Variants in TNS3 observed in about 807,000 individuals in gnomAD.
TNS3 encodes tensin 3, also known as tensin-3.
In TNS3, 45 loss-of-function variants were observed where a neutral mutation model predicts 140.9. The ratio of observed to expected loss-of-function variants is 0.32; its 90% confidence interval spans 0.25 to 0.41. The LOEUF (loss-of-function observed/expected upper bound fraction) is 0.41. Ranked by LOEUF, TNS3 falls within the 10% of genes least tolerant of loss-of-function variation. The pLI, the probability that TNS3 is intolerant of heterozygous loss-of-function variation, is 1.00. For missense variants in TNS3, 1,716 were observed against 1,906.7 expected (o/e 0.90, Z 1.86); for synonymous variants, 815 against 788.4 (o/e 1.03, Z -0.56).
At chr7:47,420,086 T>C (rs1296112982) in intron 10 of TNS3, among the ~76,000 whole-genome samples, 1 of 152,256 alleles carries the variant, frequency 6.6e-6, no homozygotes, top group Non-Finnish European at 1.5e-5. Flanking sequence ...AGAGACTATC[T>C]GAGGAGCCTC....
chr7:47,463,300 C>T (rs746423292), intron 4 of TNS3, among the ~76,000 whole-genome samples: 10 of 152,086 alleles, frequency 6.6e-5, no homozygotes, highest in Non-Finnish European at 1.3e-4. Flanking sequence ...TACAAATTGT[C>T]GGGAGTGGTT....
chr7:47,547,591 C>T (rs1415681757), intron 1 of TNS3, among the ~76,000 whole-genome samples: 1 of 152,010 alleles, frequency 6.6e-6, no homozygotes, highest in Non-Finnish European at 1.5e-5. Context: ...GCCAGGTCCA[C>T]ATTGTGCATC....
chr7:47,289,397 C>T (rs1785581677), intron 27 of TNS3, among the ~76,000 whole-genome samples: 1 of 152,192 alleles, frequency 6.6e-6, no homozygotes, highest in South Asian at 2.1e-4. Flanking sequence ...TCCCCACTGT[C>T]CTCTCTAGCT....
chr7:47,388,862 C>T (rs12112420), intron 16 of TNS3, among the ~76,000 whole-genome samples: 7,192 of 149,784 alleles, frequency 0.048, 561 homozygotes, highest in East Asian at 0.15. Context: ...GCGAGATTTC[C>T]TCTCAAAGAA....
chr7:47,503,135 C>T (rs1010261091), intron 3 of TNS3, among the ~76,000 whole-genome samples: 1 of 152,078 alleles, frequency 6.6e-6, no homozygotes, highest in Non-Finnish European at 1.5e-5. Flanking sequence ...CTTAAGTTTA[C>T]AAAAAAATTA....
intron 20 of TNS3, among the ~76,000 whole-genome samples, chr7:47,332,998 T>A (rs1788427511): frequency 1.3e-5 from 2 of 152,198 alleles, no homozygotes; most frequent in Non-Finnish European, 2.9e-5. Context: ...AAACCCAAAG[T>A]GAGCAAACGA....
At chr7:47,320,962 G>A (rs1306713512) in intron 20 of TNS3, among the ~76,000 whole-genome samples, 3 of 152,202 alleles carry the variant, frequency 2.0e-5, no homozygotes, top group Admixed American at 6.5e-5. Flanking sequence ...AAGATCCATC[G>A]CGACGAGGAA....
intron 16 of TNS3, among the ~76,000 whole-genome samples, chr7:47,371,744 C>G (rs1462547238): frequency 6.6e-6 from 1 of 152,250 alleles, no homozygotes; most frequent in Admixed American, 6.5e-5. Context: ...ATGGAAAATG[C>G]AATGCATTTG....
intron 1 of TNS3, among the ~76,000 whole-genome samples, chr7:47,578,604 T>C (rs1800731329): frequency 6.6e-6 from 1 of 151,856 alleles, no homozygotes; most frequent in African/African-American, 2.4e-5. Context: ...GCCACGGTGC[T>C]CCTGGAGTAC....
At chr7:47,345,297 C>T (rs762483884) in intron 18 of TNS3, among the ~76,000 whole-genome samples, 1 of 152,170 alleles carries the variant, frequency 6.6e-6, no homozygotes, top group Non-Finnish European at 1.5e-5. Context: ...ATACAATATA[C>T]AGCTAATAAG....
In TNS3 at chr7:47,308,162, T is replaced by A. The variant is rs550180474; in HGVS notation, c.2651-3159A>T. Reference sequence around the variant, plus strand: ...TATATATCAACAAAGTTTAGTTTTTTAAATATGGATATTCAATGGTACCAC... The same window carrying A: ...TATATATCAACAAAGTTTAGTTTTTAAAATATGGATATTCAATGGTACCAC... On this transcript the variant is annotated intron_variant, in intron 20 of 30. Coordinates refer to ENST00000311160, the MANE Select transcript of TNS3 (RefSeq NM_022748.12). Among the ~76,000 whole-genome samples, 92 of 152,372 alleles carry A rather than the reference T, an allele frequency of 6.0e-4. 1 individual carries two copies. Among genetic ancestry groups the A allele is most frequent in the African/African-American group, 2.2e-3 (90 of 41,590 alleles).
At chr7:47,542,791 G>A (rs1335665778) in intron 1 of TNS3, among the ~76,000 whole-genome samples, 2 of 151,998 alleles carry the variant, frequency 1.3e-5, no homozygotes, top group Admixed American at 6.6e-5. Flanking sequence ...TTAGCCAGGT[G>A]TGGTGGTGGG....
chr7:47,294,807 A>G (rs933756488), intron 24 of TNS3, among the ~76,000 whole-genome samples: 6 of 152,244 alleles, frequency 3.9e-5, no homozygotes, highest in Middle Eastern at 3.2e-3. Flanking sequence ...TTAAAGTGGG[A>G]TAAGAACATA....
chr7:47,454,620 C>T (rs1048073833), intron 4 of TNS3, among the ~76,000 whole-genome samples: 1 of 151,958 alleles, frequency 6.6e-6, no homozygotes, highest in Non-Finnish European at 1.5e-5. Flanking sequence ...GGGGGGGCAA[C>T]AGCTGGGCAG....
At chr7:47,306,387 T>C (rs1332404221) in intron 20 of TNS3, among the ~76,000 whole-genome samples, 2 of 152,192 alleles carry the variant, frequency 1.3e-5, no homozygotes, top group Non-Finnish European at 2.9e-5. Flanking sequence ...AATTCACAAA[T>C]GGAATGCACT....
chr7:47,399,778 T>C (rs1309205527), intron 15 of TNS3, among the ~76,000 whole-genome samples: 1 of 152,212 alleles, frequency 6.6e-6, no homozygotes, highest in Admixed American at 6.5e-5. Context: ...AAATAATCCA[T>C]GACTAAGACC....
At chr7:47,464,617 C>T (rs1003320793) in intron 4 of TNS3, among the ~76,000 whole-genome samples, 2 of 152,178 alleles carry the variant, frequency 1.3e-5, no homozygotes, top group Non-Finnish European at 2.9e-5. Context: ...TCTGATTCAA[C>T]AGGTCTGAGT....
intron 1 of TNS3, among the ~76,000 whole-genome samples, chr7:47,544,724 T>A (rs984723541): frequency 6.6e-6 from 1 of 152,036 alleles, no homozygotes; most frequent in Non-Finnish European, 1.5e-5. Flanking sequence ...TACCAATGGG[T>A]GTCCCAGGAC....
At chr7:47,438,437 G>A (rs114028947) in intron 6 of TNS3, among the ~76,000 whole-genome samples, 1 of 152,178 alleles carries the variant, frequency 6.6e-6, no homozygotes, top group Admixed American at 6.5e-5. Context: ...CCAAAGGAAG[G>A]AGCCATGGTC....
Sources: allele counts gnomAD v4.1 joint callset (sites outside exome capture counted in the v4.1 genomes callset), GRCh38; gene constraint gnomAD v4.1.1; transcripts MANE v1.5; gene names NCBI Gene and HGNC (gene_info 2026-07-23, HGNC 2026-07-21).